The following SLC30A6 variants were observed in gnomAD, a reference collection of about 807,000 sequenced individuals.
SLC30A6 encodes solute carrier family 30 member 6, also known as zinc transporter 6.
Under a neutral mutation model 63.0 loss-of-function variants are expected in SLC30A6, and 55 were observed. The observed-to-expected ratio is 0.87, with a 90% CI of 0.70 to 1.09. The LOEUF (loss-of-function observed/expected upper bound fraction) is 1.09, where lower values mean the gene tolerates loss of function less well. Ranked by LOEUF, SLC30A6 falls within the 50% of genes least tolerant of loss-of-function variation. The pLI, the probability that SLC30A6 is intolerant of heterozygous loss-of-function variation, is 0.00. For synonymous variants in SLC30A6, 224 were observed against 186.1 expected (o/e 1.20, Z -1.66); for missense variants, 587 against 549.2 (o/e 1.07, Z -0.69).
chr2:32,187,170 G>T (rs985920908), intron 5 of SLC30A6: 2 of 470,902 alleles, frequency 4.2e-6, no homozygotes, highest in Non-Finnish European at 8.8e-6. Context: ...TTCTCTGCAT[G>T]TCCTGTTCAG....
rs1681177636 is a variant in SLC30A6 at position 32,171,278 on chromosome 2, G to C, written c.4-9G>C. ...TCTAAATGCTGATTTGTATATGTTT[G>C]TTTGAAAGGGGACAATTCATCTCTT... On this transcript the variant is annotated splice_polypyrimidine_tract_variant and intron_variant, in intron 1 of 13. Coordinates refer to ENST00000282587, the MANE Select transcript of SLC30A6 (RefSeq NM_017964.5). 1 of 1,611,220 alleles carries C rather than the reference G, an allele frequency of 6.2e-7. No individual in the cohort carries two copies. The highest frequency in any genetic ancestry group is 1.3e-5 in the African/African-American group (1 of 74,828).
intron 10 of SLC30A6, among the ~76,000 whole-genome samples, chr2:32,199,332 C>T (rs1684064203): frequency 6.6e-6 from 1 of 152,164 alleles, no homozygotes; most frequent in African/African-American, 2.4e-5. Flanking sequence ...TGAGTCCTTC[C>T]TTTCAGTTCG....
intron 2 of SLC30A6, among the ~76,000 whole-genome samples, chr2:32,171,917 C>T (rs1681257898): frequency 6.6e-6 from 1 of 152,152 alleles, no homozygotes; most frequent in Admixed American, 6.6e-5. Flanking sequence ...TGATCTCGAA[C>T]TCCCGACCTC....
chr2:32,220,222 G>C lies in SLC30A6; in HGVS notation c.895G>C (p.Val299Leu), dbSNP rs764919714. The C allele has an allele frequency of 6.2e-7, 1 of 1,613,534 alleles. No individual in the cohort carries two copies. The highest frequency in any genetic ancestry group is 8.5e-7 in the Non-Finnish European group (1 of 1,179,528). The change falls in exon 14 of 14, where the codon GTG becomes CTG. Residue 299 changes from valine to leucine, a missense_variant. Val to Leu is a conservative substitution (Grantham distance 32). Coordinates refer to ENST00000282587, the MANE Select transcript of SLC30A6 (RefSeq NM_017964.5). ...ATTTTGCCCCTTTTAGGCTGGATCA[G>C]TGCATGTAAGAATTCGACGAGATGC... Reference protein sequence around the residue: ...TLGFGSLAGSVHVRIRRDANE... With the variant: ...TLGFGSLAGSLHVRIRRDANE...
At chr2:32,199,212 G>T (rs1558406630) in intron 10 of SLC30A6, among the ~76,000 whole-genome samples, 1 of 152,088 alleles carries the variant, frequency 6.6e-6, no homozygotes, top group African/African-American at 2.4e-5. Context: ...TGCATAATGG[G>T]TAAACAATGC....
Position 32,220,556 on chromosome 2 carries a change from G to A in SLC30A6, c.1229G>A (p.Gly410Asp). The change falls in exon 14 of 14, where the codon GGT becomes GAT. Residue 410 changes from glycine to aspartate, a missense_variant. Transcript: ENST00000282587. Reference sequence around the variant, plus strand: ...CTAAACACACAAACAAGGCCTTATGGTTTTGGTCTCAATCATGGACACACA... The same window carrying A: ...CTAAACACACAAACAAGGCCTTATGATTTTGGTCTCAATCATGGACACACA... Reference protein sequence around the residue: ...ILLNTQTRPYGFGLNHGHTPY... With the variant: ...ILLNTQTRPYDFGLNHGHTPY... 1 of 1,614,164 alleles carries A rather than the reference G, an allele frequency of 6.2e-7. No individual in the cohort carries two copies. Among genetic ancestry groups the A allele is most frequent in the Non-Finnish European group, 8.5e-7 (1 of 1,180,038 alleles).
chr2:32,200,767 C>G (rs991349236), intron 10 of SLC30A6, among the ~76,000 whole-genome samples: 2 of 152,092 alleles, frequency 1.3e-5, no homozygotes, highest in Non-Finnish European at 2.9e-5. Flanking sequence ...TTGACCTTCC[C>G]TCCACTGTTG....
intron 10 of SLC30A6, 49 bp from the exon 11 acceptor site, chr2:32,204,541 T>C (rs1269167120): frequency 8.1e-7 from 1 of 1,236,226 alleles, no homozygotes; most frequent in Non-Finnish European, 1.2e-6. Flanking sequence ...AATTGTAATA[T>C]GCCCAGTGAG....
chr2:32,198,123 A>T (rs1421400389), intron 10 of SLC30A6, among the ~76,000 whole-genome samples: 2 of 152,224 alleles, frequency 1.3e-5, no homozygotes, highest in African/African-American at 2.4e-5. Flanking sequence ...CACCACTGCT[A>T]TTGCCGAGAG....
intron 4 of SLC30A6, among the ~76,000 whole-genome samples, chr2:32,176,675 T>C (rs1028519108): frequency 6.6e-6 from 1 of 151,988 alleles, no homozygotes; most frequent in Non-Finnish European, 1.5e-5. Context: ...AAAAAGGCTT[T>C]ATTGAGATAC....
intron 10 of SLC30A6, chr2:32,203,147 C>G (rs1325475349): frequency 2.4e-6 from 3 of 1,269,018 alleles, no homozygotes; most frequent in Non-Finnish European, 3.5e-6. Context: ...ACGTGGCTGC[C>G]TGTGGTTTGG....
At chr2:32,174,548 A>ATTTTTTTTTTTTTTTTTTTTT (rs11432136) in intron 3 of SLC30A6, among the ~76,000 whole-genome samples, 1 of 92,260 alleles carries the variant, frequency 1.1e-5, no homozygotes, top group Non-Finnish European at 1.9e-5. Context: ...CTATCTGGAG[A>ATTTTTTTTTTTTTTTTTTTTT]TTTTTTTTTT....
At chr2:32,184,637 C>A (rs531494780) in intron 5 of SLC30A6, among the ~76,000 whole-genome samples, 33 of 152,206 alleles carry the variant, frequency 2.2e-4, no homozygotes, top group African/African-American at 7.9e-4. Context: ...TGGTGGCATG[C>A]ACCTGTAATT....
chr2:32,197,475 C>T (rs1306991312), intron 9 of SLC30A6, 83 bp downstream of exon 9: 3 of 1,393,598 alleles, frequency 2.2e-6, no homozygotes, highest in Admixed American at 1.7e-5. Context: ...TTAAATTATT[C>T]GTTGCTGAGG....
intron 1 of SLC30A6, among the ~76,000 whole-genome samples, chr2:32,168,628 A>G (rs1195925058): frequency 2.6e-5 from 4 of 152,166 alleles, no homozygotes; most frequent in Admixed American, 1.3e-4. Context: ...GAAACATGAA[A>G]CTAAGTACTT....
intron 5 of SLC30A6, among the ~76,000 whole-genome samples, chr2:32,185,269 G>A (rs1489035541): frequency 2.6e-5 from 4 of 151,952 alleles, no homozygotes; most frequent in African/African-American, 7.3e-5. Flanking sequence ...GCTGAGGTGG[G>A]AGGATTGCTT....
Position 32,184,320 on chromosome 2 carries a change from G to T in SLC30A6, c.266G>T (p.Ser89Ile). The change falls in exon 5 of 14, where the codon AGC (serine) becomes ATC (isoleucine). Residue 89 changes from serine (S) to isoleucine (I), a missense_variant. Ser to Ile is a moderately radical substitution (Grantham distance 142). Coordinates refer to ENST00000282587, the MANE Select transcript of SLC30A6 (RefSeq NM_017964.5). ...ISYWVTLRKPSPVYSFGFERL... is the reference protein window; with the variant it reads ...ISYWVTLRKPIPVYSFGFERL... ...TACTGGGTAACATTGAGGAAACCTA[G>T]CCCTGTCTATTCATTTGGGTAAGTT... is the stretch of plus-strand genomic sequence containing the variant. 4 of 1,510,868 alleles carry T rather than the reference G, an allele frequency of 2.6e-6. No homozygotes were observed. Among genetic ancestry groups the T allele is most frequent in the South Asian group, 1.4e-5 (1 of 72,362 alleles). 93.6% of individuals were successfully genotyped at this position (1,510,868 alleles called of 1,614,324 possible).
chr2:32,219,761 T>C (rs1302310020), intron 13 of SLC30A6, among the ~76,000 whole-genome samples: 1 of 152,330 alleles, frequency 6.6e-6, no homozygotes, highest in East Asian at 1.9e-4. Flanking sequence ...ATTGGTATTA[T>C]TGCTTATTCT....
intron 1 of SLC30A6, 102 bp downstream of exon 1, chr2:32,166,005 G>A (rs1680610846): frequency 2.6e-6 from 4 of 1,528,084 alleles, no homozygotes; most frequent in Admixed American, 1.7e-5. Flanking sequence ...CAGAGGAGGG[G>A]TCATTGGAGT....
Sources: allele counts gnomAD v4.1 joint callset (sites outside exome capture counted in the v4.1 genomes callset), GRCh38; gene constraint gnomAD v4.1.1; transcripts MANE v1.5; gene names NCBI Gene and HGNC (gene_info 2026-07-23, HGNC 2026-07-21).